The following CASP2 variants were observed in gnomAD, a reference collection of about 807,000 sequenced individuals.
CASP2 encodes the protein caspase-2.
In CASP2, 38 loss-of-function variants were observed where a neutral mutation model predicts 54.4. The ratio of observed to expected loss-of-function variants is 0.70; its 90% confidence interval spans 0.54 to 0.92. The LOEUF is 0.92. Among genes scored for constraint, CASP2 ranks in the 40% least tolerant of loss-of-function variants. The pLI is 0.00. For missense variants in CASP2, 512 were observed against 579.6 expected, an observed-to-expected ratio of 0.88 and a Z score of 1.20; for synonymous variants, 215 against 216.3, an observed-to-expected ratio of 0.99 and a Z score of 0.05.
chr7:143,300,583 C>G (rs1040799678), intron 8 of CASP2: 3 of 1,449,732 alleles, frequency 2.1e-6, no homozygotes, highest in Non-Finnish European at 1.8e-6. Context: ...AACTCTTACT[C>G]TTTTCTGTGC....
At position 143,299,997 on chromosome 7, in the gene CASP2, C is replaced by G; in HGVS notation, c.822C>G (p.Leu274=). The G allele has an allele frequency of 6.2e-7, 1 of 1,614,144 alleles. No homozygotes were observed. Among genetic ancestry groups the G allele is most frequent in the East Asian group, 2.2e-5 (1 of 44,882 alleles). ...HRVTDSCIVA[L]LSHGVEGAIY... is the part of the protein sequence containing the mutation. ...TCACGGACTCCTGCATCGTGGCACT[C>G]CTCTCGCATGGTGTGGAGGGCGCCA... The change falls in exon 7 of 11, where the codon CTC becomes CTG. Residue 274 remains leucine, a synonymous_variant. Transcript: ENST00000310447.
At chr7:143,292,079 G>A (rs1185457671) in intron 2 of CASP2, among the ~76,000 whole-genome samples, 3 of 151,898 alleles carry the variant, frequency 2.0e-5, no homozygotes, top group African/African-American at 4.8e-5. Flanking sequence ...CACCCAGCTG[G>A]ATGTTGTACC....
In CASP2 at chr7:143,303,876, C is replaced by T; in HGVS notation, c.1060C>T (p.Pro354Ser). Residue 354 changes from proline (P) to serine (S), a missense_variant, in exon 9 of 11, where the codon CCG (proline) becomes TCG (serine). This residue lies in a region of CASP2 where 417 missense variants were observed against 495.4 expected (regional missense o/e 0.84). Transcript: ENST00000310447. ...GAGTGATGCCGGTAAAGAAAAGTTGCCGAAGATGAGACTGCCCACGCGCTC... is the reference window on the plus strand; with the variant it reads ...GAGTGATGCCGGTAAAGAAAAGTTGTCGAAGATGAGACTGCCCACGCGCTC... The part of the protein sequence containing the change: ...EESDAGKEKL[P>S]KMRLPTRSDM... 1.2e-6 allele frequency: 2 copies of T among 1,613,336 alleles called. No homozygotes were observed. Among genetic ancestry groups the T allele is most frequent in the Non-Finnish European group, 1.7e-6 (2 of 1,179,648 alleles).
intron 8 of CASP2, chr7:143,300,540 C>T (rs1167409401): frequency 6.5e-7 from 1 of 1,539,462 alleles, no homozygotes; most frequent in Non-Finnish European, 8.7e-7. Context: ...GTTTTCAGGT[C>T]TCTTATCCCG....
intron 8 of CASP2, 121 bp from the exon 9 acceptor site, chr7:143,303,663 G>A: frequency 3.8e-6 from 3 of 786,126 alleles, no homozygotes; most frequent in African/African-American, 1.7e-5. Context: ...TAGGTTGGAG[G>A]CAACAGCTGG....
In CASP2 at chr7:143,300,587, T is replaced by C. The variant is rs900031618; in HGVS notation, c.967+293T>C. The C allele has an allele frequency of 6.2e-6, 9 of 1,447,938 alleles. No homozygotes were observed. In the African/African-American group the frequency reaches 8.4e-5, roughly 14 times the overall value. 89.7% of individuals were successfully genotyped at this position (1,447,938 alleles called of 1,614,324 possible). ...TCCTTTCTGAGAACTCTTACTCTTT[T>C]CTGTGCTTCATTAACTCTGGTGCCC... On this transcript the variant is annotated intron_variant, in intron 8 of 10. Coordinates refer to ENST00000310447, the MANE Select transcript of CASP2 (RefSeq NM_032982.4).
intron 2 of CASP2, 124 bp from the exon 3 acceptor site, chr7:143,292,176 C>A: frequency 1.1e-6 from 1 of 885,810 alleles, no homozygotes; most frequent in Non-Finnish European, 1.8e-6. Context: ...GGACTTCACC[C>A]ATACATACAC....
chr7:143,288,681 C>A (rs1454650698), intron 1 of CASP2, 152 bp downstream of exon 1: 10 of 723,594 alleles, frequency 1.4e-5, no homozygotes, highest in Non-Finnish European at 2.0e-5. Flanking sequence ...CCGCCCGAGC[C>A]GCTCCGAGCC....
At position 143,292,328 on chromosome 7, in the gene CASP2, T is replaced by G; in HGVS notation, c.254T>G (p.Val85Gly). The G allele has an allele frequency of 6.2e-7, 1 of 1,614,226 alleles. No homozygotes were observed. The highest frequency in any genetic ancestry group is 8.5e-7 in the Non-Finnish European group (1 of 1,180,040). The change falls in exon 3 of 11, where the codon GTG becomes GGG. Residue 85 changes from valine to glycine, a missense_variant. Val to Gly is a moderately radical substitution (Grantham distance 109). This residue lies in a region of CASP2 where 417 missense variants were observed against 495.4 expected (regional missense o/e 0.84). Transcript: ENST00000310447. Reference protein sequence around the residue: ...QAKVGSFSQNVELLNLLPKRG... With the variant: ...QAKVGSFSQNGELLNLLPKRG... ...AAAGTGGGCAGTTTCAGCCAGAATG[T>G]GGAACTCCTCAACTTGCTGCCTAAG...
In CASP2 at chr7:143,304,871, C is replaced by A. The variant is rs1563066939; in HGVS notation, c.1228-69C>A. On this transcript the variant is annotated intron_variant, in intron 10 of 10. Coordinates refer to ENST00000310447, the MANE Select transcript of CASP2 (RefSeq NM_032982.4). ...GAATGCTCTTTCATAGTCCGTCTCC[C>A]CTTCCCGTTTGCTGCTCTCCTGAAG... 1.9e-6 allele frequency: 3 copies of A among 1,611,418 alleles called. No homozygotes were observed. The Admixed American group carries it at 5.0e-5, about 27-fold the overall frequency.
At chr7:143,304,523 C>T in intron 9 of CASP2, 151 bp from the exon 10 acceptor site, 2 of 714,910 alleles carry the variant, frequency 2.8e-6, no homozygotes, top group Non-Finnish European at 5.1e-6. Context: ...CCAAAGTATG[C>T]CAATAATCCA....
chr7:143,298,397 A>C (rs1380864805), intron 6 of CASP2: 1 of 152,196 alleles, frequency 6.6e-6, no homozygotes, highest in East Asian at 1.9e-4. Context: ...ATAGGTTTAA[A>C]CATGTGTGCC....
At chr7:143,291,842 G>C in intron 2 of CASP2, 152 bp downstream of exon 2, 3 of 644,188 alleles carry the variant, frequency 4.7e-6, no homozygotes, top group Non-Finnish European at 7.6e-6. Flanking sequence ...ACAATGGCGC[G>C]ATCTTGGCTC....
intron 1 of CASP2, among the ~76,000 whole-genome samples, 157 bp downstream of exon 1, chr7:143,288,686 C>T (rs4647282): frequency 6.6e-6 from 1 of 152,216 alleles, no homozygotes; most frequent in African/African-American, 2.4e-5. Context: ...CGAGCCGCTC[C>T]GAGCCTGACT....
Position 143,291,610 on chromosome 7 carries a change from A to G in CASP2, c.145A>G (p.Lys49Glu). The change falls in exon 2 of 11, where the codon AAA (lysine) becomes GAA (glutamate). Residue 49 changes from lysine to glutamate, a missense_variant. Physicochemically the swap from Lys to Glu is moderately conservative, Grantham distance 56. Around this residue, in one of 3 missense-constraint regions of CASP2, gnomAD observed 89 missense variants for 67.1 expected, o/e 1.33. Coordinates refer to ENST00000310447, the MANE Select transcript of CASP2 (RefSeq NM_032982.4). ...TLKKNRVVLA[K>E]QLLLSELLEH... ...AAAAAAGAACCGAGTGGTGCTAGCC[A>G]AACAGCTGTTGTTGAGCGAATTGTT... 1 of 1,613,862 alleles carries G rather than the reference A, an allele frequency of 6.2e-7. No individual in the cohort carries two copies. The highest frequency in any genetic ancestry group is 8.5e-7 in the Non-Finnish European group (1 of 1,179,832).
At chr7:143,293,221 G>T in intron 4 of CASP2, 2 of 574,778 alleles carry the variant, frequency 3.5e-6, no homozygotes, top group Non-Finnish European at 6.1e-6. Context: ...TTGAACTCCT[G>T]GGTTGAAGGG....
At chr7:143,302,538 T>A (rs1801946043) in intron 8 of CASP2, 1 of 152,142 alleles carries the variant, frequency 6.6e-6, no homozygotes, top group Admixed American at 6.5e-5. Flanking sequence ...CGGCAGGAAT[T>A]TTCTCTTCAC....
chr7:143,297,439 T>C (rs1421822704), intron 6 of CASP2, among the ~76,000 whole-genome samples: 1 of 152,156 alleles, frequency 6.6e-6, no homozygotes, highest in Non-Finnish European at 1.5e-5. Context: ...AGGTATATAA[T>C]TTTTGTTTTC....
chr7:143,305,279 G>A lies in CASP2; in HGVS notation c.*208G>A. The A allele has an allele frequency of 1.5e-6, 1 of 663,468 alleles. No individual in the cohort carries two copies. Among genetic ancestry groups the A allele is most frequent in the South Asian group, 1.7e-5 (1 of 58,354 alleles). The allele number at this position is 663,468 out of a possible 1,614,324, so 41.1% of individuals were successfully genotyped here. A position where few individuals can be genotyped will look rare whatever the true frequency, so the allele number is the denominator to read the frequency against. On this transcript the variant is annotated 3_prime_UTR_variant, in exon 11 of 11. Coordinates refer to ENST00000310447, the MANE Select transcript of CASP2 (RefSeq NM_032982.4). ...TTCTGTGAAGCCCTTTGCCTGTAGA[G>A]CCAGCCTTGGTTGGACCTATTGCCA...
Sources: gnomAD v4.1 joint callset for allele counts (sites outside exome capture counted in the v4.1 genomes callset) on GRCh38, gnomAD v4.1.1 for gene constraint, gnomAD v4.1.1 regional missense constraint, MANE v1.5 for transcripts, NCBI Gene and HGNC (gene_info 2026-07-23, HGNC 2026-07-21) for gene names.